The following IL1RL1 variants were observed in gnomAD, a reference collection of about 807,000 sequenced individuals.
The protein encoded by IL1RL1 is interleukin-1 receptor-like 1.
IL1RL1 carries 32 observed loss-of-function variants against 50.9 expected under a neutral mutation model. That is an observed-to-expected ratio of 0.63 (90% CI 0.47 to 0.84). The LOEUF is 0.84. IL1RL1 is among the 40% of genes least tolerant of loss of function. The probability of loss-of-function intolerance (pLI) is 0.00; values close to 1 mark genes in which losing one functional copy is unlikely to be tolerated. For synonymous variants in IL1RL1, 275 were observed against 236.0 expected, an observed-to-expected ratio of 1.17 and a Z score of -1.51; for missense variants, 773 against 662.9, an observed-to-expected ratio of 1.17 and a Z score of -1.82.
intron 1 of IL1RL1, among the ~76,000 whole-genome samples, chr2:102,321,251 T>C (rs886896810): frequency 2.6e-5 from 4 of 152,276 alleles, no homozygotes; most frequent in Non-Finnish European, 5.9e-5. Context: ...AACTTTTTTT[T>C]ATTTCTTTAT....
At chr2:102,333,595 TG>T (rs1206662160) in intron 1 of IL1RL1, among the ~76,000 whole-genome samples, 2 of 152,168 alleles carry the variant, frequency 1.3e-5, no homozygotes, top group African/African-American at 4.8e-5. Flanking sequence ...CTTCTGTTTT[TG>T]TTTGTTTGTT....
intron 9 of IL1RL1, 92 bp from the exon 10 acceptor site, chr2:102,348,987 A>ATT: frequency 1.1e-6 from 1 of 924,622 alleles, no homozygotes; most frequent in Non-Finnish European, 1.7e-6. Flanking sequence ...ATTCACCAAC[A>ATT]GCCATAAAAC....
intron 9 of IL1RL1, among the ~76,000 whole-genome samples, chr2:102,348,472 G>A (rs186036322): frequency 6.6e-6 from 1 of 152,294 alleles, no homozygotes; most frequent in East Asian, 1.9e-4. Context: ...AGGTTAGAAA[G>A]GTCCATCGGA....
chr2:102,315,424 A>C (rs1676649398), intron 1 of IL1RL1, among the ~76,000 whole-genome samples: 1 of 152,184 alleles, frequency 6.6e-6, no homozygotes, highest in Non-Finnish European at 1.5e-5. Context: ...TCTTTGATTT[A>C]CCATCTGAGC....
At chr2:102,343,445 C>T in intron 8 of IL1RL1, 30 bp downstream of exon 8, 2 of 1,614,150 alleles carry the variant, frequency 1.2e-6, no homozygotes, top group Non-Finnish European at 1.7e-6. Flanking sequence ...CTTTGATCAC[C>T]TGAACTTTCT....
At chr2:102,324,621 A>G (rs977916015) in intron 1 of IL1RL1, among the ~76,000 whole-genome samples, 1 of 152,202 alleles carries the variant, frequency 6.6e-6, no homozygotes, top group Non-Finnish European at 1.5e-5. Flanking sequence ...GGGGTGACAG[A>G]TGGCACCTGG....
chr2:102,311,740 A>C (rs758177721), intron 1 of IL1RL1, 117 bp downstream of exon 1: 1 of 126,862 alleles, frequency 7.9e-6, no homozygotes, highest in Admixed American at 1.0e-4. Flanking sequence ...TTATAACATT[A>C]TATGTTATAA....
chr2:102,315,058 T>C (rs577776646), intron 1 of IL1RL1, among the ~76,000 whole-genome samples: 2 of 152,274 alleles, frequency 1.3e-5, no homozygotes, highest in East Asian at 1.9e-4. Flanking sequence ...GACTTTTTTT[T>C]CCCTAATTAG....
chr2:102,339,989 A>G (rs749883021), intron 3 of IL1RL1, 109 bp from the exon 4 acceptor site: 5 of 524,232 alleles, frequency 9.5e-6, no homozygotes, highest in Non-Finnish European at 1.6e-5. Context: ...ACCATTATGT[A>G]TATTGATGGT....
At chr2:102,325,380 G>C (rs1676966613) in intron 1 of IL1RL1, among the ~76,000 whole-genome samples, 1 of 152,082 alleles carries the variant, frequency 6.6e-6, no homozygotes, top group African/African-American at 2.4e-5. Flanking sequence ...ACCAAAGGTA[G>C]ATAAAACCAC....
chr2:102,315,007 A>G (rs1354664105), intron 1 of IL1RL1, among the ~76,000 whole-genome samples: 1 of 152,200 alleles, frequency 6.6e-6, no homozygotes, highest in Non-Finnish European at 1.5e-5. Context: ...CTTACAGTTT[A>G]TCTGCTTTCT....
chr2:102,349,234 C>T lies in IL1RL1; in HGVS notation c.1273C>T (p.Leu425=). The T allele has an allele frequency of 2.5e-6, 4 of 1,613,260 alleles. No individual in the cohort carries two copies. The highest frequency in any genetic ancestry group is 3.4e-6 in the Non-Finnish European group (4 of 1,179,286). ...YTLCIYGRDM[L]PGEDVVTAVE... Reference sequence around the variant, plus strand: ...CTTATGCATTTATGGGAGAGATATGCTACCTGGAGAAGGTAAAGCTATTGA... The same window carrying T: ...CTTATGCATTTATGGGAGAGATATGTTACCTGGAGAAGGTAAAGCTATTGA... Residue 425 remains leucine, a synonymous_variant, in exon 10 of 11, where the codon CTA becomes TTA. Transcript: ENST00000233954.
chr2:102,351,476 G>C (rs1677928281), intron 10 of IL1RL1, 60 bp from the exon 11 acceptor site: 1 of 1,413,038 alleles, frequency 7.1e-7, no homozygotes, highest in African/African-American at 1.4e-5. Flanking sequence ...AAATGTTCAG[G>C]ATGTTTATGT....
chr2:102,321,513 T>C (rs1423248455), intron 1 of IL1RL1, among the ~76,000 whole-genome samples: 1 of 152,190 alleles, frequency 6.6e-6, no homozygotes, highest in Non-Finnish European at 1.5e-5. Flanking sequence ...TGTGCGGCCA[T>C]GTTAGATGTT....
chr2:102,343,615 T>C (rs1035220657), intron 8 of IL1RL1, 200 bp downstream of exon 8: 46 of 1,447,652 alleles, frequency 3.2e-5, no homozygotes, highest in Non-Finnish European at 4.0e-5. Context: ...GCTGCTTAAA[T>C]TGTTCGTCCT....
At chr2:102,319,291 T>C (rs1676768203) in intron 1 of IL1RL1, among the ~76,000 whole-genome samples, 1 of 152,188 alleles carries the variant, frequency 6.6e-6, no homozygotes, top group African/African-American at 2.4e-5. Flanking sequence ...CCTTTGCTAG[T>C]GATTGTTACC....
chr2:102,326,291 C>G (rs988912367), intron 1 of IL1RL1, among the ~76,000 whole-genome samples: 1 of 152,110 alleles, frequency 6.6e-6, no homozygotes, highest in Non-Finnish European at 1.5e-5. Context: ...ACTTTACAGA[C>G]AAGCAAATGC....
chr2:102,328,936 G>C (rs1677092857), intron 1 of IL1RL1, among the ~76,000 whole-genome samples: 2 of 152,110 alleles, frequency 1.3e-5, no homozygotes, highest in Admixed American at 1.3e-4. Context: ...TAGATTCAAT[G>C]CCATCCCCAT....
At chr2:102,325,062 G>T (rs923947986) in intron 1 of IL1RL1, among the ~76,000 whole-genome samples, 5 of 152,142 alleles carry the variant, frequency 3.3e-5, no homozygotes, top group African/African-American at 1.2e-4. Flanking sequence ...CCTCAAGTAG[G>T]TCCCTGACCC....
Sources: gnomAD v4.1 joint callset for allele counts (sites outside exome capture counted in the v4.1 genomes callset) on GRCh38, gnomAD v4.1.1 for gene constraint, MANE v1.5 for transcripts, NCBI Gene and HGNC (gene_info 2026-07-23, HGNC 2026-07-21) for gene names.